ANKRD28: variants seen among roughly 807,000 people sequenced by gnomAD.
ANKRD28 encodes the protein serine/threonine-protein phosphatase 6 regulatory ankyrin repeat subunit A.
Under a neutral mutation model 126.5 loss-of-function variants are expected in ANKRD28, and 44 were observed. The ratio of observed to expected loss-of-function variants is 0.35; its 90% CI spans 0.27 to 0.45. The LOEUF is 0.45. ANKRD28 is among the 20% of genes least tolerant of loss of function. ANKRD28 has a pLI of 1.00. For synonymous variants in ANKRD28, 442 were observed against 468.5 expected, an observed-to-expected ratio of 0.94 and a Z score of 0.73; for missense variants, 1,110 against 1,316.6, an observed-to-expected ratio of 0.84 and a Z score of 2.43.
At chr3:15,696,308 A>G in intron 14 of ANKRD28, 63 bp from the exon 15 acceptor site, 1 of 1,075,794 alleles carries the variant, frequency 9.3e-7, no homozygotes, top group Non-Finnish European at 1.3e-6. Flanking sequence ...AATGATAAAA[A>G]GAGACTGAAA....
intron 4 of ANKRD28, 61 bp downstream of exon 4, chr3:15,751,689 T>G: frequency 9.3e-7 from 1 of 1,071,872 alleles, no homozygotes; most frequent in East Asian, 2.7e-5. Flanking sequence ...GAATATGGAT[T>G]CAGGGGTACG....
intron 10 of ANKRD28, among the ~76,000 whole-genome samples, chr3:15,712,884 G>A (rs2072507530): frequency 6.6e-6 from 1 of 152,064 alleles, no homozygotes; most frequent in African/African-American, 2.4e-5. Context: ...AAACAGATAG[G>A]TGCAGTACCA....
chr3:15,764,607 T>C (rs2058654074), intron 3 of ANKRD28, among the ~76,000 whole-genome samples: 1 of 151,592 alleles, frequency 6.6e-6, no homozygotes, highest in Non-Finnish European at 1.5e-5. Context: ...ACAAAAATAA[T>C]CAGAATTCTG....
chr3:15,722,378 T>C (rs1354059531), intron 7 of ANKRD28, among the ~76,000 whole-genome samples: 4 of 152,234 alleles, frequency 2.6e-5, no homozygotes, highest in Non-Finnish European at 4.4e-5. Flanking sequence ...AGAACAGTAA[T>C]GTGTCCTGAC....
chr3:15,848,344 C>T (rs539985614), intron 1 of ANKRD28, among the ~76,000 whole-genome samples: 1 of 152,162 alleles, frequency 6.6e-6, no homozygotes, highest in Non-Finnish European at 1.5e-5. Context: ...CAAATAGCTA[C>T]CTTGTGCAAG....
chr3:15,798,907 A>G (rs1193272660), upstream of ANKRD28, among the ~76,000 whole-genome samples: 2 of 151,956 alleles, frequency 1.3e-5, no homozygotes, highest in East Asian at 1.9e-4. Context: ...AATAATAAAC[A>G]TAATAGTTAC....
intron 4 of ANKRD28, among the ~76,000 whole-genome samples, chr3:15,749,105 T>TTTTTTG (rs1415046801): frequency 8.0e-6 from 1 of 125,778 alleles, no homozygotes; most frequent in East Asian, 3.0e-4. Flanking sequence ...GTTTTTGTTT[T>TTTTTTG]TTTTTTTTTT....
At position 15,797,578 on chromosome 3, in the gene ANKRD28, A is replaced by G. The variant is rs2305221; in HGVS notation, c.-1057T>C. ...TTCTTTAAAAAAAAAAAGGGGGGGG[A>G]AAAACATAGTAGTGTATCATTCCAG... On this transcript the variant is annotated 5_prime_UTR_variant, in exon 1 of 28. Coordinates refer to ENST00000683139, the MANE Select transcript of ANKRD28 (RefSeq NM_001349278.2). 0.1 allele frequency: 98,569 copies of G among 983,088 alleles called. 6,545 individuals are homozygous for G. The highest frequency in any genetic ancestry group is 0.56 in the East Asian group (4,931 of 8,758). The allele number at this position is 983,088 out of a possible 1,614,324, so 60.9% of individuals were successfully genotyped here. A position where few individuals can be genotyped will look rare whatever the true frequency, so the allele number is the denominator to read the frequency against.
rs1165403753 is a variant in ANKRD28, at chr3:15,797,126, C to G, written c.-605G>C. The G allele has an allele frequency of 1.0e-6, 1 of 982,292 alleles. No homozygotes were observed. The highest frequency in any genetic ancestry group is 1.2e-6 in the Non-Finnish European group (1 of 829,344). The allele number at this position is 982,292 out of a possible 1,614,324, so 60.8% of individuals were successfully genotyped here. A position where few individuals can be genotyped will look rare whatever the true frequency, so the allele number is the denominator to read the frequency against. Reference sequence around the variant, plus strand: ...CAGATACTATTCACAGAAAAAAGATCTAGAGCTCAGCACAAATCCTGAAAA... The same window carrying G: ...CAGATACTATTCACAGAAAAAAGATGTAGAGCTCAGCACAAATCCTGAAAA... On this transcript the variant is annotated 5_prime_UTR_variant, in exon 1 of 28. Transcript: ENST00000683139.
At chr3:15,823,592 C>T (rs1328241009) in intron 1 of ANKRD28, among the ~76,000 whole-genome samples, 1 of 152,110 alleles carries the variant, frequency 6.6e-6, no homozygotes, top group African/African-American at 2.4e-5. Flanking sequence ...AAACTAGACA[C>T]TTCATACCAA....
Position 15,714,662 on chromosome 3 carries a change from G to T in ANKRD28, c.997-6C>A, listed in dbSNP as rs1484824967. The T allele has an allele frequency of 6.3e-6, 10 of 1,575,562 alleles. No homozygotes were observed. Among genetic ancestry groups the T allele is most frequent in the Admixed American group, 2.0e-5 (1 of 49,388 alleles). ...GGGGTTTTCCCATCTTTACTCTGGGGGGGGAAGAAAAAAATTACTCACTCT... is the reference window on the plus strand; with the variant it reads ...GGGGTTTTCCCATCTTTACTCTGGGTGGGGAAGAAAAAAATTACTCACTCT... On this transcript the variant is annotated splice_region_variant and splice_polypyrimidine_tract_variant and intron_variant, in intron 8 of 27. Coordinates refer to ENST00000683139, the MANE Select transcript of ANKRD28 (RefSeq NM_001349278.2).
intron 3 of ANKRD28, among the ~76,000 whole-genome samples, chr3:15,754,335 A>G (rs558157455): frequency 1.8e-4 from 27 of 152,294 alleles, no homozygotes; most frequent in African/African-American, 6.3e-4. Flanking sequence ...CTTGATTATC[A>G]GATTGACTAT....
intron 26 of ANKRD28, 140 bp from the exon 27 acceptor site, chr3:15,676,129 A>C: frequency 1.8e-6 from 1 of 551,746 alleles, no homozygotes; most frequent in African/African-American, 1.9e-5. Flanking sequence ...CCTAATAACA[A>C]AGATGGGGGC....
rs569901657 is a variant in ANKRD28, at chr3:15,779,031, A to G, written c.202-12719T>C. ...TAAGTTTCCTGAGGCCCCCACAGCC[A>G]TGCAGAACTGTGAGTCAATTAAACC... On this transcript the variant is annotated intron_variant, in intron 2 of 27. Transcript: ENST00000683139. Among the ~76,000 whole-genome samples the G allele has an allele frequency of 1.3e-3, 205 of 152,274 alleles. 1 individual carries two copies. The highest frequency in any genetic ancestry group is 3.4e-3 in the Middle Eastern group (1 of 294).
At chr3:15,697,370 C>T (rs1186084056) in intron 14 of ANKRD28, 1 of 152,120 alleles carries the variant, frequency 6.6e-6, no homozygotes, top group Non-Finnish European at 1.5e-5. Context: ...ACATTGGATA[C>T]AGTGTACATT....
intron 3 of ANKRD28, among the ~76,000 whole-genome samples, chr3:15,759,054 A>G (rs562255041): frequency 2.4e-4 from 36 of 152,324 alleles, no homozygotes; most frequent in Non-Finnish European, 3.5e-4. Context: ...CAAAATATCT[A>G]TACCTCAGTG....
At chr3:15,707,344 C>A (rs954193827) in intron 14 of ANKRD28, among the ~76,000 whole-genome samples, 5 of 152,154 alleles carry the variant, frequency 3.3e-5, no homozygotes, top group Non-Finnish European at 7.3e-5. Flanking sequence ...GTTTATGCAT[C>A]ATTTATTCTT....
intron 1 of ANKRD28, among the ~76,000 whole-genome samples, chr3:15,844,912 T>C (rs1020719173): frequency 4.6e-5 from 7 of 152,096 alleles, no homozygotes; most frequent in Non-Finnish European, 8.8e-5. Flanking sequence ...GTTTGGCAGG[T>C]TGTATAGGAA....
rs1257452173 is a variant in ANKRD28, at chr3:15,685,232, A to G, written c.2383T>C (p.Tyr795His). The change falls in exon 21 of 28, where the codon TAC becomes CAC. Residue 795 changes from tyrosine (Y) to histidine (H), a missense_variant. Physicochemically the swap from Tyr to His is moderately conservative, Grantham distance 83 (BLOSUM62 2). Coordinates refer to ENST00000683139, the MANE Select transcript of ANKRD28 (RefSeq NM_001349278.2). Reference protein sequence around the residue: ...HGYTALHWACYNGHETCVELL... With the variant: ...HGYTALHWACHNGHETCVELL... ...TTGTGTTTGTATACTTAACCATTGTAGCAAGCCCAGTGAAGTGCCGTATAT... is the reference window on the plus strand; with the variant it reads ...TTGTGTTTGTATACTTAACCATTGTGGCAAGCCCAGTGAAGTGCCGTATAT... The G allele has an allele frequency of 4.3e-6, 7 of 1,613,902 alleles. No homozygotes were observed. The highest frequency in any genetic ancestry group is 5.9e-6 in the Non-Finnish European group (7 of 1,179,802).
Sources: allele counts gnomAD v4.1 joint callset (sites outside exome capture counted in the v4.1 genomes callset), GRCh38; gene constraint gnomAD v4.1.1; transcripts MANE v1.5; gene names NCBI Gene and HGNC (gene_info 2026-07-23, HGNC 2026-07-21).